The following HK3 variants were observed in gnomAD, a reference collection of about 807,000 sequenced individuals.
The protein encoded by HK3 is hexokinase-3.
A neutral mutation model predicts 91.0 loss-of-function variants in HK3; 93 were observed. The observed-to-expected ratio is 1.02, with a 90% CI of 0.86 to 1.21. The LOEUF is 1.21. Ranked by LOEUF, HK3 falls within the 50% of genes most tolerant of loss-of-function variation. The pLI is 0.00. For synonymous variants in HK3, 519 were observed against 516.9 expected, an observed-to-expected ratio of 1.00 and a Z score of -0.06; for missense variants, 1,235 against 1,247.4, an observed-to-expected ratio of 0.99 and a Z score of 0.15.
Position 176,888,758 on chromosome 5 carries a change from G to A in HK3, c.1021C>T (p.Leu341=). The A allele has an allele frequency of 6.2e-7, 1 of 1,614,234 alleles. No individual in the cohort carries two copies. Residue 341 remains leucine (L), a synonymous_variant, in exon 9 of 19, where the codon CTG becomes TTG. Coordinates refer to ENST00000292432, the MANE Select transcript of HK3 (RefSeq NM_002115.3). Reference sequence around the variant, plus strand: ...AGGAGGATGCTGCCTTGGCTCAGCAGGGCAGGGGAGGTGCAGCCACCAAAG... The same window carrying A: ...AGGAGGATGCTGCCTTGGCTCAGCAAGGCAGGGGAGGTGCAGCCACCAAAG... ...VLFGGCTSPA[L]LSQGSILLEH... is the part of the protein sequence containing the mutation.
At chr5:176,893,495 G>A (rs180783481) in intron 2 of HK3, among the ~76,000 whole-genome samples, 10 of 152,228 alleles carry the variant, frequency 6.6e-5, no homozygotes, top group Non-Finnish European at 8.8e-5. Context: ...CCAATGCCAG[G>A]GACTATGTCT....
At chr5:176,897,615 C>A (rs2149379317) in intron 1 of HK3, among the ~76,000 whole-genome samples, 1 of 152,332 alleles carries the variant, frequency 6.6e-6, no homozygotes, top group South Asian at 2.1e-4. Flanking sequence ...CTCAGGCATG[C>A]AAAGCCAGTA....
chr5:176,883,806 A>G lies in HK3; in HGVS notation c.2017T>C (p.Tyr673His), dbSNP rs762162785. ...DTVGTMMSCG[Y>H]EDPRCEIGLI... The stretch of plus-strand genomic sequence containing the variant: ...CCTATCTCGCAACGGGGGTCCTCAT[A>G]GCCACAGGACATCATGGTCCCCACC... The change falls in exon 15 of 19, where the codon TAT becomes CAT. Residue 673 changes from tyrosine to histidine, a missense_variant. Around this residue, in one of 3 missense-constraint regions of HK3, gnomAD observed 513 missense variants for 477.4 expected, o/e 1.07. Coordinates refer to ENST00000292432, the MANE Select transcript of HK3 (RefSeq NM_002115.3). 2 of 1,614,076 alleles carry G rather than the reference A, an allele frequency of 1.2e-6. No individual in the cohort carries two copies. Among genetic ancestry groups the G allele is most frequent in the East Asian group, 2.2e-5 (1 of 44,886 alleles).
chr5:176,884,031 G>C lies in HK3; in HGVS notation c.1953+8C>G. On this transcript the variant is annotated splice_region_variant and intron_variant, in intron 14 of 18. Transcript: ENST00000292432. This position sits in a 1 kb window ranked among gnomAD's most constrained non-coding sequence, Gnocchi z 4.1. The stretch of plus-strand genomic sequence containing the variant: ...CAGCCCCAAAGCACCCCTAGAACAG[G>C]CTCCTACCTGTCTGCGAGTGATGGC... 1 of 1,613,526 alleles carries C rather than the reference G, an allele frequency of 6.2e-7. No homozygotes were observed. Among genetic ancestry groups the C allele is most frequent in the African/African-American group, 1.3e-5 (1 of 75,038 alleles).
Position 176,881,478 on chromosome 5 carries a change from CA to C in HK3, c.2450del (p.Leu817ArgfsTer7), listed in dbSNP as rs1217787399. On this transcript the variant is annotated frameshift_variant, in exon 18 of 19. Coordinates refer to ENST00000292432, the MANE Select transcript of HK3 (RefSeq NM_002115.3). LOFTEE classifies it high-confidence loss of function. ...GCACCATCAGGGCGTCATCTGAGGT[CA>C]GGGGTAGCCCCAGATCCTCTAGGAT... is the stretch of plus-strand genomic sequence containing the variant. ...RAILEDLGLPLTSDDALMVLE... is the reference protein window; with the variant it reads ...RAILEDLGLPXTSDDALMVLE... 6.2e-6 allele frequency: 10 copies of C among 1,607,836 alleles called. No homozygotes were observed. Among genetic ancestry groups the C allele is most frequent in the Admixed American group, 5.0e-5 (3 of 59,982 alleles).
chr5:176,883,961 C>T (rs1321718294), intron 14 of HK3, 78 bp downstream of exon 14: 50 of 1,574,530 alleles, frequency 3.2e-5, no homozygotes, highest in Non-Finnish European at 4.1e-5. Flanking sequence ...AGAGGGCTCC[C>T]CCCTCAGAAA....
chr5:176,889,804 G>A (rs1474771499), intron 6 of HK3, 60 bp from the exon 7 acceptor site: 2 of 1,457,166 alleles, frequency 1.4e-6, no homozygotes, highest in Admixed American at 3.4e-5. Context: ...AGGGAATCCA[G>A]GGGATGGGCA....
chr5:176,891,773 C>A (rs1025039092), intron 2 of HK3, among the ~76,000 whole-genome samples: 4 of 152,180 alleles, frequency 2.6e-5, no homozygotes, highest in African/African-American at 9.7e-5. Context: ...TACCTCACGG[C>A]TCCTTCTCAA....
At chr5:176,893,610 G>GAAGTGCC (rs1758832486) in intron 2 of HK3, among the ~76,000 whole-genome samples, 1 of 152,342 alleles carries the variant, frequency 6.6e-6, no homozygotes, top group East Asian at 1.9e-4. Flanking sequence ...AATGTATGTG[G>GAAGTGCC]AAGTGCCAAG....
rs148952210 is a variant in HK3, at chr5:176,881,793, A to G, written c.2292T>C (p.Leu764=). Residue 764 remains leucine (L), a synonymous_variant, in exon 17 of 19, where the codon CTT becomes CTC. Transcript: ENST00000292432. ...MYLGEIVRHI[L]LHLTSLGVLF... ...GAACGCCAAGGCTGGTTAAATGTAAAAGGATGTGGCGGACGATCTCCCCCA... is the reference window on the plus strand; with the variant it reads ...GAACGCCAAGGCTGGTTAAATGTAAGAGGATGTGGCGGACGATCTCCCCCA... 511 of 1,614,014 alleles carry G rather than the reference A, an allele frequency of 3.2e-4. 1 individual carries two copies. The highest frequency in any genetic ancestry group is 2.8e-4 in the Admixed American group (17 of 60,004).
chr5:176,886,776 C>A (rs1758594897), intron 13 of HK3, among the ~76,000 whole-genome samples: 1 of 152,220 alleles, frequency 6.6e-6, no homozygotes, highest in African/African-American at 2.4e-5. Context: ...CTCTGATCAG[C>A]CCCAGTCTAG....
chr5:176,887,239 A>G lies in HK3; in HGVS notation c.1699T>C (p.Ser567Pro). The change falls in exon 12 of 19, where the codon TCC (serine) becomes CCC (proline). Residue 567 changes from serine (S) to proline (P), a missense_variant. Ser to Pro is a moderately conservative substitution (Grantham distance 74). Around this residue, in one of 3 missense-constraint regions of HK3, gnomAD observed 5 missense variants for 18.4 expected, o/e 0.27. Transcript: ENST00000292432. The surrounding 1 kb of genome is among the most constrained non-coding windows in gnomAD (Gnocchi z 4.9). ...TGVQITSEIYSIPETVAQGSG... is the reference protein window; with the variant it reads ...TGVQITSEIYPIPETVAQGSG... ...CCCTGGGCCACAGTCTCGGGAATGG[A>G]GTAGATCTCGCTGGTGATCTGCACG... The G allele has an allele frequency of 6.3e-7, 1 of 1,595,048 alleles. No individual in the cohort carries two copies. The highest frequency in any genetic ancestry group is 8.5e-7 in the Non-Finnish European group (1 of 1,171,552).
At position 176,884,089 on chromosome 5, in the gene HK3, C is replaced by T. The variant is rs150421022; in HGVS notation, c.1903G>A (p.Glu635Lys). The T allele has an allele frequency of 2.1e-4, 340 of 1,614,172 alleles. No individual in the cohort carries two copies. The highest frequency in any genetic ancestry group is 2.4e-4 in the Non-Finnish European group (282 of 1,180,044). ...AACAGACTCACGACATCTTGGCCCT[C>T]GCAGTCTGATGCCTTGAAACCCTTG... ...WTKGFKASDCEGQDVVSLLRE... is the reference protein window; with the variant it reads ...WTKGFKASDCKGQDVVSLLRE... Residue 635 changes from glutamate to lysine, a missense_variant, in exon 14 of 19, where the codon GAG (glutamate) becomes AAG (lysine). Around this residue, in one of 3 missense-constraint regions of HK3, gnomAD observed 513 missense variants for 477.4 expected, o/e 1.07. Coordinates refer to ENST00000292432, the MANE Select transcript of HK3 (RefSeq NM_002115.3). The surrounding 1 kb of genome is among the most constrained non-coding windows in gnomAD (Gnocchi z 4.1).
At chr5:176,891,835 C>A (rs1310474840) in intron 2 of HK3, among the ~76,000 whole-genome samples, 1 of 152,220 alleles carries the variant, frequency 6.6e-6, no homozygotes, top group Non-Finnish European at 1.5e-5. Context: ...CAGGGTTTGG[C>A]AAGACCTTCT....
At chr5:176,894,417 T>C (rs1347065852) in intron 2 of HK3, among the ~76,000 whole-genome samples, 1 of 152,152 alleles carries the variant, frequency 6.6e-6, no homozygotes, top group African/African-American at 2.4e-5. Context: ...GTGTATGTGA[T>C]GGAGCCAGCA....
At position 176,880,907 on chromosome 5, in the gene HK3, C is replaced by G. The variant is rs1758405935; in HGVS notation, c.*166G>C. On this transcript the variant is annotated 3_prime_UTR_variant, in exon 19 of 19. Transcript: ENST00000292432. ...TATATATATATTGCTAACCTGAGTG[C>G]TACTTCTCTCAGGGAAAGCCAGGGA... is the stretch of plus-strand genomic sequence containing the variant. The G allele has an allele frequency of 6.3e-6, 4 of 633,576 alleles. No homozygotes were observed. Among genetic ancestry groups the G allele is most frequent in the Non-Finnish European group, 1.0e-5 (4 of 382,480 alleles). 39.2% of individuals were successfully genotyped at this position (633,576 alleles called of 1,614,324 possible). A position where few individuals can be genotyped will look rare whatever the true frequency, so the allele number is the denominator to read the frequency against.
In HK3 at chr5:176,888,357, C is replaced by T. The variant is rs759270834; in HGVS notation, c.1279G>A (p.Gly427Ser). ...QTLQVAVATGGRVCERHPRFC... is the reference protein window; with the variant it reads ...QTLQVAVATGSRVCERHPRFC... ...CTGGGGTGCCGCTCACACACTCGGC[C>T]TCCGGTGGCCACAGCAACCTGGAGT... is the stretch of plus-strand genomic sequence containing the variant. Residue 427 changes from glycine (G) to serine (S), a missense_variant, in exon 10 of 19, where the codon GGC becomes AGC. Around this residue, in one of 3 missense-constraint regions of HK3, gnomAD observed 717 missense variants for 751.6 expected, o/e 0.95. Coordinates refer to ENST00000292432, the MANE Select transcript of HK3 (RefSeq NM_002115.3). 3.2e-6 allele frequency: 5 copies of T among 1,559,170 alleles called. No homozygotes were observed. The highest frequency in any genetic ancestry group is 3.5e-6 in the Non-Finnish European group (4 of 1,150,974).
chr5:176,880,879 T>G lies in HK3; in HGVS notation c.*194A>C. 3.9e-6 allele frequency: 2 copies of G among 507,756 alleles called. No individual in the cohort carries two copies. The highest frequency in any genetic ancestry group is 7.7e-5 in the South Asian group (2 of 26,024). The allele number at this position is 507,756 out of a possible 1,614,324, so 31.5% of individuals were successfully genotyped here. On this transcript the variant is annotated 3_prime_UTR_variant, in exon 19 of 19. Transcript: ENST00000292432. ...TTTATCGGGCGTGAATGTAAATAAA[T>G]TATATATATATATTGCTAACCTGAG...
chr5:176,891,377 A>G lies in HK3; in HGVS notation c.259+11T>C, dbSNP rs762210869. On this transcript the variant is annotated intron_variant, in intron 3 of 18. Coordinates refer to ENST00000292432, the MANE Select transcript of HK3 (RefSeq NM_002115.3). ...CAGGCCTGGCCACGCATCTCAATCT[A>G]TGATACCCACCAGTGCCATGTGGGG... 2.2e-5 allele frequency: 36 copies of G among 1,611,820 alleles called. No individual in the cohort carries two copies. In the Middle Eastern group the frequency reaches 5.0e-4, roughly 22 times the overall value.
Sources: gnomAD v4.1 joint callset for allele counts (sites outside exome capture counted in the v4.1 genomes callset) on GRCh38, gnomAD v4.1.1 for gene constraint, gnomAD v4.1.1 regional missense constraint, Gnocchi (gnomAD v3.1) non-coding constraint, MANE v1.5 for transcripts, NCBI Gene and HGNC (gene_info 2026-07-23, HGNC 2026-07-21) for gene names.